VWA3B: variants seen among roughly 807,000 people sequenced by gnomAD.
VWA3B encodes von Willebrand factor A domain containing 3B.
Under a neutral mutation model 158.3 loss-of-function variants are expected in VWA3B, and 138 were observed. That is an observed-to-expected ratio of 0.87 (90% confidence interval 0.76 to 1.00). The LOEUF (loss-of-function observed/expected upper bound fraction) is 1.00. VWA3B is among the 50% of genes least tolerant of loss of function. The pLI, the probability that VWA3B is intolerant of heterozygous loss-of-function variation, is 0.00. For missense variants in VWA3B, 1,555 were observed against 1,565.1 expected, an observed-to-expected ratio of 0.99 and a Z score of 0.11; for synonymous variants, 596 against 587.3, an observed-to-expected ratio of 1.01 and a Z score of -0.21.
At chr2:98,266,285 C>A (rs921437901) in intron 21 of VWA3B, among the ~76,000 whole-genome samples, 1 of 151,992 alleles carries the variant, frequency 6.6e-6, no homozygotes, top group South Asian at 2.1e-4. Flanking sequence ...TTTCCCAGCA[C>A]CATTTATTAA....
chr2:98,171,298 G>A (rs1216813177), intron 8 of VWA3B, among the ~76,000 whole-genome samples: 3 of 152,180 alleles, frequency 2.0e-5, no homozygotes, highest in East Asian at 1.9e-4. Flanking sequence ...GGGTATTTAC[G>A]ATTGAGGAAA....
the VWA3B span, among the ~76,000 whole-genome samples, chr2:98,321,355 C>T: frequency 6.6e-6 from 1 of 152,178 alleles, no homozygotes; most frequent in Non-Finnish European, 1.5e-5. Context: ...CCTAGTGGAG[C>T]TGTGAGAAGA....
intron 9 of VWA3B, among the ~76,000 whole-genome samples, chr2:98,182,034 T>C (rs1680628153): frequency 6.6e-6 from 1 of 152,218 alleles, no homozygotes; most frequent in Non-Finnish European, 1.5e-5. Flanking sequence ...ATGGCAGATT[T>C]GCAAAACCAA....
At chr2:98,230,696 T>G (rs999290916) in intron 16 of VWA3B, among the ~76,000 whole-genome samples, 2 of 152,020 alleles carry the variant, frequency 1.3e-5, no homozygotes, top group Non-Finnish European at 2.9e-5. Flanking sequence ...ACAGCTAAAA[T>G]CAAACTAAAA....
At chr2:98,240,615 A>T (rs1205172759) in intron 19 of VWA3B, among the ~76,000 whole-genome samples, 1 of 152,206 alleles carries the variant, frequency 6.6e-6, no homozygotes, top group East Asian at 1.9e-4. Context: ...TCTGTGTAAT[A>T]CTTGATAATC....
chr2:98,267,778 T>C (rs928330416), intron 21 of VWA3B, among the ~76,000 whole-genome samples: 9 of 151,852 alleles, frequency 5.9e-5, no homozygotes, highest in Non-Finnish European at 1.3e-4. Context: ...ATCAATAAAA[T>C]TGATAGACTA....
rs1558643575 is a variant in VWA3B, at chr2:98,181,070, C to T, written c.1169C>T (p.Ser390Phe). 6.2e-7 allele frequency: 1 copy of T among 1,614,222 alleles called. No homozygotes were observed. Reference protein sequence around the residue: ...IASNPEDTWDSKTWLQKYGLK... With the variant: ...IASNPEDTWDFKTWLQKYGLK... ...TCGAATCCAGAAGACACCTGGGACT[C>T]TAAGACATGGCTGCAGAAATATGGC... is the stretch of plus-strand genomic sequence containing the variant. Residue 390 changes from serine to phenylalanine, a missense_variant, in exon 9 of 28, where the codon TCT becomes TTT. Ser to Phe is a radical substitution (Grantham distance 155, BLOSUM62 -2). Coordinates refer to ENST00000477737, the MANE Select transcript of VWA3B (RefSeq NM_144992.5).
At chr2:98,121,725 G>C (rs1427872779) in intron 5 of VWA3B, among the ~76,000 whole-genome samples, 1 of 152,136 alleles carries the variant, frequency 6.6e-6, no homozygotes, top group African/African-American at 2.4e-5. Context: ...AGTGTCGGGA[G>C]AGCCGAGTGC....
intron 12 of VWA3B, among the ~76,000 whole-genome samples, chr2:98,205,696 C>T (rs1436498244): frequency 6.6e-6 from 1 of 152,100 alleles, no homozygotes; most frequent in South Asian, 2.1e-4. Context: ...TATGTTGGTA[C>T]ATCCCACAAA....
intron 19 of VWA3B, chr2:98,245,503 G>GGAC: frequency 2.2e-6 from 1 of 455,904 alleles, no homozygotes; most frequent in Non-Finnish European, 4.4e-6. Flanking sequence ...CATGTGGAGA[G>GGAC]GACGGAGAGT....
chr2:98,256,134 A>G lies in VWA3B; in HGVS notation c.2803A>G (p.Lys935Glu). 6.2e-7 allele frequency: 1 copy of G among 1,613,682 alleles called. No homozygotes were observed. The highest frequency in any genetic ancestry group is 8.5e-7 in the Non-Finnish European group (1 of 1,179,922). The change falls in exon 21 of 28, where the codon AAA (lysine) becomes GAA (glutamate). Residue 935 changes from lysine to glutamate, a missense_variant. Transcript: ENST00000477737. Reference protein sequence around the residue: ...AIQSYEKRLNKIVWRALSQEE... With the variant: ...AIQSYEKRLNEIVWRALSQEE... ...TTTTTTTTTTAACAGGCGCTTGAAT[A>G]AAATTGTTTGGCGAGCATTATCTCA...
chr2:98,289,605 G>A (rs958295318), intron 22 of VWA3B, among the ~76,000 whole-genome samples: 5 of 152,178 alleles, frequency 3.3e-5, no homozygotes, highest in Non-Finnish European at 5.9e-5. Context: ...GTGAGACAGC[G>A]ATCATAAAGG....
At chr2:98,223,706 A>G (rs1406702110) in intron 14 of VWA3B, among the ~76,000 whole-genome samples, 1 of 152,136 alleles carries the variant, frequency 6.6e-6, no homozygotes, top group Non-Finnish European at 1.5e-5. Flanking sequence ...ATTAACCATG[A>G]ATTTTATTAT....
chr2:98,236,854 T>C (rs1291075180), intron 19 of VWA3B, 124 bp downstream of exon 19: 1 of 1,354,274 alleles, frequency 7.4e-7, no homozygotes, highest in East Asian at 2.3e-5. Context: ...GAAAAAGTAT[T>C]TGTAAAGGCA....
At position 98,250,299 on chromosome 2, in the gene VWA3B, C is replaced by T. The variant is rs956582466; in HGVS notation, c.2674-19C>T. 1 of 1,596,228 alleles carries T rather than the reference C, an allele frequency of 6.3e-7. No homozygotes were observed. Among genetic ancestry groups the T allele is most frequent in the Non-Finnish European group, 8.5e-7 (1 of 1,169,988 alleles). ...ACCTATCAAGTGACACTTTCCTTTC[C>T]TTTGCCATTGACATGCAGGTGTTCC... is the stretch of plus-strand genomic sequence containing the variant. On this transcript the variant is annotated intron_variant, in intron 19 of 27. Coordinates refer to ENST00000477737, the MANE Select transcript of VWA3B (RefSeq NM_144992.5).
chr2:98,188,064 T>A lies in VWA3B; in HGVS notation c.1401T>A (p.Ile467=). Residue 467 remains isoleucine, a synonymous_variant, in exon 10 of 28, where the codon ATT becomes ATA. Coordinates refer to ENST00000477737, the MANE Select transcript of VWA3B (RefSeq NM_144992.5). ...WKDGSLVHVN[I]TKEKCKWYSE... ...ATGGGAGCTTGGTCCACGTCAACATTACCAAAGAGAAGTGCAAGTGGTACA... is the reference window on the plus strand; with the variant it reads ...ATGGGAGCTTGGTCCACGTCAACATAACCAAAGAGAAGTGCAAGTGGTACA... 6.2e-7 allele frequency: 1 copy of A among 1,613,982 alleles called. No individual in the cohort carries two copies. The highest frequency in any genetic ancestry group is 8.5e-7 in the Non-Finnish European group (1 of 1,179,966).
intron 7 of VWA3B, among the ~76,000 whole-genome samples, chr2:98,151,935 A>C (rs573631068): frequency 6.6e-6 from 1 of 152,196 alleles, no homozygotes; most frequent in Non-Finnish European, 1.5e-5. Context: ...ATCCAAAAGG[A>C]TTTGGCAGCC....
At chr2:98,303,864 T>A in intron 26 of VWA3B, 62 bp downstream of exon 26, 2 of 1,513,400 alleles carry the variant, frequency 1.3e-6, no homozygotes, top group Non-Finnish European at 9.1e-7. Flanking sequence ...TTTAATCTGT[T>A]TTTGAGATGA....
intron 3 of VWA3B, among the ~76,000 whole-genome samples, chr2:98,116,443 A>G (rs574335180): frequency 1.6e-3 from 238 of 152,228 alleles, no homozygotes; most frequent in African/African-American, 5.4e-3. Context: ...AAGAATGCCA[A>G]TGAGTCATGG....
Sources: gnomAD v4.1 joint callset for allele counts (sites outside exome capture counted in the v4.1 genomes callset) on GRCh38, gnomAD v4.1.1 for gene constraint, MANE v1.5 for transcripts, NCBI Gene and HGNC (gene_info 2026-07-23, HGNC 2026-07-21) for gene names.